The following MED18 variants were observed in gnomAD, a reference collection of about 807,000 sequenced individuals.
MED18 encodes the protein mediator complex subunit 18, also known as mediator of RNA polymerase II transcription subunit 18.
MED18 carries 10 observed loss-of-function variants against 13.9 expected under a neutral mutation model. The observed-to-expected ratio is 0.72, with a 90% CI of 0.44 to 1.22. MED18 has a LOEUF of 1.22. MED18 is among the 50% of genes most tolerant of loss of function. MED18 has a pLI of 0.00. For synonymous variants in MED18, 88 were observed against 93.2 expected, an observed-to-expected ratio of 0.94 and a Z score of 0.32; for missense variants, 216 against 279.0, an observed-to-expected ratio of 0.77 and a Z score of 1.61.
chr1:28,335,047 T>C lies in MED18; in HGVS notation c.*77T>C, dbSNP rs1251641176. 1.4e-6 allele frequency: 2 copies of C among 1,384,680 alleles called. No homozygotes were observed. The highest frequency in any genetic ancestry group is 2.0e-6 in the Non-Finnish European group (2 of 1,021,358). 85.8% of individuals were successfully genotyped at this position (1,384,680 alleles called of 1,614,324 possible). A position where few individuals can be genotyped will look rare whatever the true frequency, so the allele number is the denominator to read the frequency against. On this transcript the variant is annotated 3_prime_UTR_variant, in exon 3 of 3. Coordinates refer to ENST00000373842, the MANE Select transcript of MED18 (RefSeq NM_017638.3). Reference sequence around the variant, plus strand: ...ATGTTTGCTTTTTTTGGTTTTTGTTTTGTTTTGTTTTTGAGACAGAGTCTC... The same window carrying C: ...ATGTTTGCTTTTTTTGGTTTTTGTTCTGTTTTGTTTTTGAGACAGAGTCTC...
chr1:28,334,150 TG>T (rs1419708126), intron 2 of MED18, among the ~76,000 whole-genome samples: 3 of 152,194 alleles, frequency 2.0e-5, no homozygotes, highest in African/African-American at 7.2e-5. Flanking sequence ...GCCCCAGGCC[TG>T]CTGGAGATGA....
In MED18 at chr1:28,335,075, T is replaced by C; in HGVS notation, c.*105T>C. The C allele has an allele frequency of 8.7e-7, 1 of 1,144,230 alleles. No individual in the cohort carries two copies. Among genetic ancestry groups the C allele is most frequent in the Admixed American group, 2.7e-5 (1 of 36,674 alleles). 70.9% of individuals were successfully genotyped at this position (1,144,230 alleles called of 1,614,324 possible). ...TTTTGTTTTTGAGACAGAGTCTCGCTTTGTTTCCCAGGCTGGAGTGCAGTG... is the reference window on the plus strand; with the variant it reads ...TTTTGTTTTTGAGACAGAGTCTCGCCTTGTTTCCCAGGCTGGAGTGCAGTG... On this transcript the variant is annotated 3_prime_UTR_variant, in exon 3 of 3. Coordinates refer to ENST00000373842, the MANE Select transcript of MED18 (RefSeq NM_017638.3).
chr1:28,330,823 T>C (rs1193682827), intron 2 of MED18, 88 bp downstream of exon 2: 1 of 1,024,896 alleles, frequency 9.8e-7, no homozygotes, highest in Non-Finnish European at 1.4e-6. Context: ...AAAAGCAGCC[T>C]GCACAGTTTC....
intron 1 of MED18, among the ~76,000 whole-genome samples, chr1:28,329,493 G>A (rs1314000333): frequency 2.0e-5 from 3 of 151,926 alleles, no homozygotes; most frequent in Non-Finnish European, 4.4e-5. Flanking sequence ...CTTCATGTTG[G>A]TCAGGCTGGT....
Position 28,330,603 on chromosome 1 carries a change from C to A in MED18, c.-60C>A. 2 of 1,363,414 alleles carry A rather than the reference C, an allele frequency of 1.5e-6. No individual in the cohort carries two copies. The highest frequency in any genetic ancestry group is 2.1e-6 in the Non-Finnish European group (2 of 965,524). The allele number at this position is 1,363,414 out of a possible 1,614,324, so 84.5% of individuals were successfully genotyped here. On this transcript the variant is annotated 5_prime_UTR_variant, in exon 2 of 3. Coordinates refer to ENST00000373842, the MANE Select transcript of MED18 (RefSeq NM_017638.3). ...CAAGTGAACTCTTTTCCAGGTATAT[C>A]CCGTGCCTTACCTGACTGGGGGCTC...
In MED18 at chr1:28,335,094, T is replaced by C; in HGVS notation, c.*124T>C. 1 of 932,118 alleles carries C rather than the reference T, an allele frequency of 1.1e-6. No homozygotes were observed. 57.7% of individuals were successfully genotyped at this position (932,118 alleles called of 1,614,324 possible). On this transcript the variant is annotated 3_prime_UTR_variant, in exon 3 of 3. Coordinates refer to ENST00000373842, the MANE Select transcript of MED18 (RefSeq NM_017638.3). The stretch of plus-strand genomic sequence containing the variant: ...TCTCGCTTTGTTTCCCAGGCTGGAG[T>C]GCAGTGGCACGATCTCGGCTCACTG...
In MED18 at chr1:28,334,809, A is replaced by C; in HGVS notation, c.466A>C (p.Asn156His). ...YKIFRILVPG[N>H]TDSTEALSLS... The stretch of plus-strand genomic sequence containing the variant: ...GATTTTCCGCATCCTGGTGCCAGGG[A>C]ACACAGACAGCACTGAGGCCTTGTC... Residue 156 changes from asparagine to histidine, a missense_variant, in exon 3 of 3, where the codon AAC becomes CAC. Asn to His is a moderately conservative substitution (Grantham distance 68, BLOSUM62 1). Transcript: ENST00000373842. 1 of 1,614,164 alleles carries C rather than the reference A, an allele frequency of 6.2e-7. No individual in the cohort carries two copies. Among genetic ancestry groups the C allele is most frequent in the South Asian group, 1.1e-5 (1 of 91,082 alleles).
rs1649872101 is a variant in MED18 at position 28,334,694 on chromosome 1, C to A, written c.351C>A (p.Phe117Leu). 1 of 1,614,072 alleles carries A rather than the reference C, an allele frequency of 6.2e-7. No homozygotes were observed. The highest frequency in any genetic ancestry group is 8.5e-7 in the Non-Finnish European group (1 of 1,180,040). ...CCACATCTGAGAACCTCACCGACTT[C>A]TTGATGGAAATGGGCTTCCGCATGG... ...DIATSENLTD[F>L]LMEMGFRMDH... The change falls in exon 3 of 3, where the codon TTC (phenylalanine) becomes TTA (leucine). Residue 117 changes from phenylalanine to leucine, a missense_variant. Phe to Leu is a conservative substitution (Grantham distance 22). Transcript: ENST00000373842.
In MED18 at chr1:28,335,445, T is replaced by C. The variant is rs1569644833; in HGVS notation, c.*475T>C. 1 of 164,184 alleles carries C rather than the reference T, an allele frequency of 6.1e-6. No homozygotes were observed. The highest frequency in any genetic ancestry group is 1.7e-4 in the East Asian group (1 of 5,970). The allele number at this position is 164,184 out of a possible 1,614,324, so 10.2% of individuals were successfully genotyped here. ...TTGGTTCTTTGCACTGTTCTCCTCA[T>C]GTGGCGATTTCACTTTCATGACAGC... On this transcript the variant is annotated 3_prime_UTR_variant, in exon 3 of 3. Transcript: ENST00000373842.
intron 2 of MED18, 143 bp from the exon 3 acceptor site, chr1:28,334,274 T>C (rs965339925): frequency 7.7e-6 from 7 of 913,376 alleles, no homozygotes; most frequent in Non-Finnish European, 1.2e-5. Flanking sequence ...GTGTAATTTC[T>C]GTAAAATCTC....
chr1:28,334,645 T>A lies in MED18; in HGVS notation c.302T>A (p.Leu101Gln), dbSNP rs763170715. ...ATGGGAGACAAGAACCGCCATGCCC[T>A]GGTGCGAAACTGCGTGGACATTGCC... is the stretch of plus-strand genomic sequence containing the variant. Reference protein sequence around the residue: ...PEMGDKNRHALVRNCVDIATS... With the variant: ...PEMGDKNRHAQVRNCVDIATS... The change falls in exon 3 of 3, where the codon CTG becomes CAG. Residue 101 changes from leucine (L) to glutamine (Q), a missense_variant. Leu to Gln is a moderately radical substitution (Grantham distance 113). Coordinates refer to ENST00000373842, the MANE Select transcript of MED18 (RefSeq NM_017638.3). 6.2e-7 allele frequency: 1 copy of A among 1,614,202 alleles called. No individual in the cohort carries two copies. The highest frequency in any genetic ancestry group is 1.3e-5 in the African/African-American group (1 of 75,048).
intron 2 of MED18, among the ~76,000 whole-genome samples, chr1:28,331,155 C>T (rs527691949): frequency 1.6e-4 from 24 of 150,008 alleles, no homozygotes; most frequent in African/African-American, 4.2e-4. Flanking sequence ...GATCGCGCCA[C>T]TGCACTCCAG....
chr1:28,332,535 C>T (rs1370678846), intron 2 of MED18, among the ~76,000 whole-genome samples: 1 of 151,954 alleles, frequency 6.6e-6, no homozygotes, highest in Non-Finnish European at 1.5e-5. Context: ...GAGCAGAGAC[C>T]TGACAAAAGT....
chr1:28,330,775 TCTC>T, intron 2 of MED18, 40 bp downstream of exon 2: 1 of 1,503,180 alleles, frequency 6.7e-7, no homozygotes, highest in Non-Finnish European at 9.0e-7. Context: ...GTTTTCCTCT[TCTC>T]TGTTCAGCTT....
At chr1:28,334,377 A>G in intron 2 of MED18, 40 bp from the exon 3 acceptor site, 1 of 1,570,022 alleles carries the variant, frequency 6.4e-7, no homozygotes, top group Non-Finnish European at 8.6e-7. Flanking sequence ...CATGACCTAA[A>G]ATGAAAGACA....
In MED18 at chr1:28,335,128, G is replaced by A; in HGVS notation, c.*158G>A. On this transcript the variant is annotated 3_prime_UTR_variant, in exon 3 of 3. Coordinates refer to ENST00000373842, the MANE Select transcript of MED18 (RefSeq NM_017638.3). ...ACGATCTCGGCTCACTGCAACCTCT[G>A]CCTCCTGGGTTCAAGCAATTCTCCC... 6.0e-6 allele frequency: 4 copies of A among 662,480 alleles called. No homozygotes were observed. Among genetic ancestry groups the A allele is most frequent in the South Asian group, 2.0e-5 (1 of 49,172 alleles). The allele number at this position is 662,480 out of a possible 1,614,324, so 41.0% of individuals were successfully genotyped here.
chr1:28,331,313 A>G (rs983070548), intron 2 of MED18, among the ~76,000 whole-genome samples: 2 of 152,090 alleles, frequency 1.3e-5, no homozygotes, highest in African/African-American at 4.8e-5. Context: ...GTAGCTTGAA[A>G]AAATACTTAG....
In MED18 at chr1:28,335,932, C is replaced by T. The variant is rs1169368766; in HGVS notation, c.*962C>T. 18 of 152,106 alleles carry T rather than the reference C, an allele frequency of 1.2e-4. No individual in the cohort carries two copies. Among genetic ancestry groups the T allele is most frequent in the Admixed American group, 1.2e-3 (18 of 15,252 alleles). 9.4% of individuals were successfully genotyped at this position (152,106 alleles called of 1,614,324 possible). On this transcript the variant is annotated 3_prime_UTR_variant, in exon 3 of 3. Coordinates refer to ENST00000373842, the MANE Select transcript of MED18 (RefSeq NM_017638.3). The stretch of plus-strand genomic sequence containing the variant: ...GGTTGGTAACATTAGAGGCTGTGAG[C>T]TTGTGTTACATGGTAATAAAGCCAA...
chr1:28,331,624 G>A (rs1391998012), intron 2 of MED18, among the ~76,000 whole-genome samples: 2 of 152,088 alleles, frequency 1.3e-5, no homozygotes, highest in Non-Finnish European at 1.5e-5. Flanking sequence ...GAGCTGCCGC[G>A]CCTGGCCTAA....
Sources: gnomAD v4.1 joint callset for allele counts (sites outside exome capture counted in the v4.1 genomes callset) on GRCh38, gnomAD v4.1.1 for gene constraint, MANE v1.5 for transcripts, NCBI Gene and HGNC (gene_info 2026-07-23, HGNC 2026-07-21) for gene names.